Variants in PTPRU observed in about 807,000 individuals in gnomAD.
PTPRU encodes receptor-type tyrosine-protein phosphatase U.
A neutral mutation model predicts 166.3 loss-of-function variants in PTPRU; 69 were observed. The ratio of observed to expected loss-of-function variants is 0.41; its 90% CI spans 0.34 to 0.51. The LOEUF (loss-of-function observed/expected upper bound fraction) is 0.51. Among genes scored for constraint, PTPRU ranks in the 20% least tolerant of loss-of-function variants. The pLI is 0.09. For synonymous variants in PTPRU, 793 were observed against 814.0 expected, an observed-to-expected ratio of 0.97 and a Z score of 0.44; for missense variants, 1,657 against 2,013.7, an observed-to-expected ratio of 0.82 and a Z score of 3.39.
rs1483129819 is a variant in PTPRU, at chr1:29,259,301, A to T, written c.518A>T (p.Tyr173Phe). The T allele has an allele frequency of 1.9e-6, 3 of 1,614,104 alleles. No homozygotes were observed. The highest frequency in any genetic ancestry group is 1.1e-5 in the South Asian group (1 of 91,072). The change falls in exon 4 of 30, where the codon TAC (tyrosine) becomes TTC (phenylalanine). Residue 173 changes from tyrosine to phenylalanine, a missense_variant. Transcript: ENST00000373779. ...EALISPDRRG[Y>F]MGLDDILLLS... ...CTCATCTCCCCAGACCGCAGGGGCT[A>T]CATGGGCCTAGATGACATCCTGCTT...
At chr1:29,300,915 G>A (rs1687104575) in intron 15 of PTPRU, among the ~76,000 whole-genome samples, 1 of 152,150 alleles carries the variant, frequency 6.6e-6, no homozygotes, top group South Asian at 2.1e-4. Flanking sequence ...AGGAATTCTA[G>A]GCCAGGCACC....
In PTPRU at chr1:29,312,614, C is replaced by A. The variant is rs758306092; in HGVS notation, c.3135C>A (p.Gly1045=). The change falls in exon 22 of 30, where the codon GGC becomes GGA. Residue 1045 remains glycine (G), a synonymous_variant. Transcript: ENST00000373779. ...ACTTCACAGCGTGGCCAGAGCATGGCGTCCCCTACCATGCCACGGGGCTGC... is the reference window on the plus strand; with the variant it reads ...ACTTCACAGCGTGGCCAGAGCATGGAGTCCCCTACCATGCCACGGGGCTGC... ...QFHFTAWPEH[G]VPYHATGLLA... is the part of the protein sequence containing the mutation. 1 of 1,611,140 alleles carries A rather than the reference C, an allele frequency of 6.2e-7. No homozygotes were observed. Among genetic ancestry groups the A allele is most frequent in the South Asian group, 1.1e-5 (1 of 90,964 alleles).
In PTPRU at chr1:29,320,530, CCAA is replaced by C. The variant is rs1688106288; in HGVS notation, c.3688-152_3688-150del. The C allele has an allele frequency of 1.2e-6, 1 of 860,690 alleles. No individual in the cohort carries two copies. Among genetic ancestry groups the C allele is most frequent in the Admixed American group, 3.4e-5 (1 of 29,744 alleles). 53.3% of individuals were successfully genotyped at this position (860,690 alleles called of 1,614,324 possible). ...GTCAACCCAGGCCTCAGTGTGCCAA[CCAA>C]CATCAGAAATGGCCCACTGGAGGCA... On this transcript the variant is annotated intron_variant, in intron 25 of 29. Coordinates refer to ENST00000373779, the MANE Select transcript of PTPRU (RefSeq NM_133178.4). This position sits in a 1 kb window ranked among gnomAD's most constrained non-coding sequence, Gnocchi z 5.2.
At chr1:29,240,755 G>T (rs546554424) in intron 1 of PTPRU, among the ~76,000 whole-genome samples, 1 of 152,138 alleles carries the variant, frequency 6.6e-6, no homozygotes, top group South Asian at 2.1e-4. Context: ...TTGGTGAGAC[G>T]TTGAGTCTCA....
chr1:29,304,758 C>T lies in PTPRU; in HGVS notation c.2668-16C>T. 1 of 1,602,000 alleles carries T rather than the reference C, an allele frequency of 6.2e-7. No individual in the cohort carries two copies. Among genetic ancestry groups the T allele is most frequent in the Non-Finnish European group, 8.5e-7 (1 of 1,170,344 alleles). On this transcript the variant is annotated splice_polypyrimidine_tract_variant and intron_variant, in intron 16 of 29. Coordinates refer to ENST00000373779, the MANE Select transcript of PTPRU (RefSeq NM_133178.4). Reference sequence around the variant, plus strand: ...GGTCCCTCTCTCCCACTGACCACCACTTTTCTTTCTGGTAGAGCTTCTTTG... The same window carrying T: ...GGTCCCTCTCTCCCACTGACCACCATTTTTCTTTCTGGTAGAGCTTCTTTG...
chr1:29,315,922 T>C lies in PTPRU; in HGVS notation c.3364-80T>C. 1 of 1,529,904 alleles carries C rather than the reference T, an allele frequency of 6.5e-7. No homozygotes were observed. The highest frequency in any genetic ancestry group is 8.9e-7 in the Non-Finnish European group (1 of 1,124,274). 94.8% of individuals were successfully genotyped at this position (1,529,904 alleles called of 1,614,324 possible). A position where few individuals can be genotyped will look rare whatever the true frequency, so the allele number is the denominator to read the frequency against. On this transcript the variant is annotated intron_variant, in intron 23 of 29. Transcript: ENST00000373779. This position sits in a 1 kb window ranked among gnomAD's most constrained non-coding sequence, Gnocchi z 4.5. Reference sequence around the variant, plus strand: ...CACCTCAGGACACCCTGCTTCAACCTTGAGCTTGCTTAAGCCCCATCACCA... The same window carrying C: ...CACCTCAGGACACCCTGCTTCAACCCTGAGCTTGCTTAAGCCCCATCACCA...
rs2151952839 is a variant in PTPRU at position 29,279,984 on chromosome 1, G to C, written c.1766-55G>C. The C allele has an allele frequency of 1.3e-6, 2 of 1,514,514 alleles. 1 individual carries two copies. Among genetic ancestry groups the C allele is most frequent in the South Asian group, 2.3e-5 (2 of 87,980 alleles). 93.8% of individuals were successfully genotyped at this position (1,514,514 alleles called of 1,614,324 possible). ...CTGTGGTCAAGGAGGCTGGAAGCCTGGTCTTCCTGGTCCAGTGGCCAAGCT... is the reference window on the plus strand; with the variant it reads ...CTGTGGTCAAGGAGGCTGGAAGCCTCGTCTTCCTGGTCCAGTGGCCAAGCT... On this transcript the variant is annotated intron_variant, in intron 10 of 29. Transcript: ENST00000373779. This position sits in a 1 kb window ranked among gnomAD's most constrained non-coding sequence, Gnocchi z 5.2.
Position 29,266,010 on chromosome 1 carries a change from GTTT to G in PTPRU, c.1144+5132_1144+5134del, listed in dbSNP as rs34163524. Among the ~76,000 whole-genome samples the G allele has an allele frequency of 9.3e-3, 734 of 79,042 alleles. 2 individuals carry two copies. Among genetic ancestry groups the G allele is most frequent in the African/African-American group, 0.03 (660 of 22,334 alleles). 51.9% of individuals were successfully genotyped at this position (79,042 alleles called of 152,430 possible). On this transcript the variant is annotated intron_variant, in intron 7 of 29. Transcript: ENST00000373779. Reference sequence around the variant, plus strand: ...CTGTCTCCCAAAGATTTTCTCCTGGGTTTTTTTTTTTTTTTTTTTTTTTTTTTG... The same window carrying G: ...CTGTCTCCCAAAGATTTTCTCCTGGGTTTTTTTTTTTTTTTTTTTTTTTTG...
In PTPRU at chr1:29,258,671, TGGG is replaced by T; in HGVS notation, c.375_377del (p.Gly126del). The T allele has an allele frequency of 6.2e-7, 1 of 1,614,200 alleles. No individual in the cohort carries two copies. ...CCCTGGGCGTCTACGTGCGCGTTAA[TGGG>T]GGCCCCCTGGGCAGTGCTGTGTGGA... On this transcript the variant is annotated inframe_deletion, in exon 3 of 30. Coordinates refer to ENST00000373779, the MANE Select transcript of PTPRU (RefSeq NM_133178.4).
rs1685969911 is a variant in PTPRU at position 29,279,634 on chromosome 1, C to G, written c.1742C>G (p.Thr581Ser). ...AAAGGCTTCGGCCAGGCGGCACTCA[C>G]TGAGATAACCACTAACATCTCTGGT... The part of the protein sequence containing the change: ...TGKGFGQAAL[T>S]EITTNISAPS... The change falls in exon 10 of 30, where the codon ACT (threonine) becomes AGT (serine). Residue 581 changes from threonine to serine, a missense_variant. Coordinates refer to ENST00000373779, the MANE Select transcript of PTPRU (RefSeq NM_133178.4). The surrounding 1 kb of genome is among the most constrained non-coding windows in gnomAD (Gnocchi z 5.2). The G allele has an allele frequency of 6.2e-7, 1 of 1,612,570 alleles. No individual in the cohort carries two copies. The highest frequency in any genetic ancestry group is 8.5e-7 in the Non-Finnish European group (1 of 1,180,024).
At chr1:29,258,846 G>A (rs1684891627) in intron 3 of PTPRU, 70 bp downstream of exon 3, 2 of 1,514,364 alleles carry the variant, frequency 1.3e-6, no homozygotes. Flanking sequence ...ATTGAGGTTG[G>A]AGTAGATGAG....
chr1:29,279,261 G>A lies in PTPRU; in HGVS notation c.1563+140G>A. 9.9e-7 allele frequency: 1 copy of A among 1,005,070 alleles called. No individual in the cohort carries two copies. Among genetic ancestry groups the A allele is most frequent in the Non-Finnish European group, 1.5e-6 (1 of 673,264 alleles). 62.3% of individuals were successfully genotyped at this position (1,005,070 alleles called of 1,614,324 possible). On this transcript the variant is annotated intron_variant, in intron 9 of 29. Transcript: ENST00000373779. This position sits in a 1 kb window ranked among gnomAD's most constrained non-coding sequence, Gnocchi z 5.2. ...TTTCTTCAACTATGGCCAGGTCTGT[G>A]CCCTGTGTATTCTAGAGGAGGGTCC...
At chr1:29,323,172 A>G in intron 26 of PTPRU, 199 bp from the exon 27 acceptor site, 1 of 643,168 alleles carries the variant, frequency 1.6e-6, no homozygotes, top group South Asian at 1.9e-5. Flanking sequence ...TGCAGAACGC[A>G]TTGGGGCAGG....
chr1:29,301,918 C>CT (rs1687150921), intron 15 of PTPRU, among the ~76,000 whole-genome samples: 1 of 152,140 alleles, frequency 6.6e-6, no homozygotes, highest in Non-Finnish European at 1.5e-5. Context: ...TGGACTCATC[C>CT]TTTTTTATGG....
rs2151945661 is a variant in PTPRU at position 29,260,742 on chromosome 1, G to A, written c.983G>A (p.Arg328His). The change falls in exon 7 of 30, where the codon CGC becomes CAC. Residue 328 changes from arginine to histidine, a missense_variant. This residue lies in a region of PTPRU where 453 missense variants were observed against 496.9 expected (regional missense o/e 0.91). Transcript: ENST00000373779. The surrounding 1 kb of genome is among the most constrained non-coding windows in gnomAD (Gnocchi z 8.3). ...AAGGAGATTGAGTACCGCATGGCGC[G>A]CGGGCCCTGGGCTGAGGTGCACGCC... The part of the protein sequence containing the change: ...VRKEIEYRMA[R>H]GPWAEVHAVS... 1 of 1,610,820 alleles carries A rather than the reference G, an allele frequency of 6.2e-7. No homozygotes were observed. The highest frequency in any genetic ancestry group is 8.5e-7 in the Non-Finnish European group (1 of 1,178,612).
chr1:29,294,268 T>A (rs773171056), intron 15 of PTPRU, among the ~76,000 whole-genome samples: 8 of 152,226 alleles, frequency 5.3e-5, no homozygotes, highest in Non-Finnish European at 1.2e-4. Flanking sequence ...GCCACATTAG[T>A]TTGTATAAAA....
intron 7 of PTPRU, among the ~76,000 whole-genome samples, 171 bp from the exon 8 acceptor site, chr1:29,275,277 T>G (rs1233607562): frequency 6.6e-6 from 1 of 152,114 alleles, no homozygotes; most frequent in African/African-American, 2.4e-5. Context: ...TCCGCCTGAC[T>G]CCAAAGCACA....
intron 14 of PTPRU, among the ~76,000 whole-genome samples, chr1:29,288,481 G>A (rs1397255339): frequency 6.6e-6 from 1 of 152,170 alleles, no homozygotes; most frequent in South Asian, 2.1e-4. Flanking sequence ...GTCAACTGAG[G>A]CCAGAAGAAT....
chr1:29,310,647 G>A, intron 18 of PTPRU, 97 bp from the exon 19 acceptor site: 4 of 1,300,182 alleles, frequency 3.1e-6, no homozygotes, highest in South Asian at 1.2e-5. Flanking sequence ...CCCTGGTGGG[G>A]TAGGGGTTCT....
Sources: gnomAD v4.1 joint callset for allele counts (sites outside exome capture counted in the v4.1 genomes callset) on GRCh38, gnomAD v4.1.1 for gene constraint, gnomAD v4.1.1 regional missense constraint, Gnocchi (gnomAD v3.1) non-coding constraint, MANE v1.5 for transcripts, NCBI Gene and HGNC (gene_info 2026-07-23, HGNC 2026-07-21) for gene names.